The following CNTNAP2 variants were observed in gnomAD, a reference collection of about 807,000 sequenced individuals.
CNTNAP2 encodes contactin-associated protein-like 2.
CNTNAP2 carries 98 observed loss-of-function variants against 155.2 expected under a neutral mutation model. The observed-to-expected ratio is 0.63, with a 90% confidence interval of 0.54 to 0.75. CNTNAP2 has a LOEUF of 0.75. Ranked by LOEUF, CNTNAP2 falls within the 30% of genes least tolerant of loss-of-function variation. The pLI, the probability that CNTNAP2 is intolerant of heterozygous loss-of-function variation, is 0.00. For missense variants in CNTNAP2, 1,727 were observed against 1,688.1 expected (o/e 1.02, Z -0.40); for synonymous variants, 651 against 631.2 (o/e 1.03, Z -0.47).
intron 10 of CNTNAP2, among the ~76,000 whole-genome samples, chr7:147,427,388 C>T (rs879358717): frequency 9.2e-5 from 14 of 152,224 alleles, no homozygotes; most frequent in Non-Finnish European, 1.6e-4. Context: ...AATATGGGTT[C>T]TTTCAACAGA....
At chr7:148,069,713 T>C (rs1251599153) in intron 15 of CNTNAP2, among the ~76,000 whole-genome samples, 1 of 149,832 alleles carries the variant, frequency 6.7e-6, no homozygotes, top group Non-Finnish European at 1.5e-5. Context: ...TGAGCCAAGA[T>C]TGCGCCACTG....
chr7:148,105,159 T>C (rs1425840147), intron 15 of CNTNAP2, among the ~76,000 whole-genome samples: 1 of 152,122 alleles, frequency 6.6e-6, no homozygotes, highest in Non-Finnish European at 1.5e-5. Flanking sequence ...ATACAAGATA[T>C]CCTAGGAGGA....
At chr7:146,505,520 C>A (rs554206085) in intron 1 of CNTNAP2, among the ~76,000 whole-genome samples, 46 of 152,304 alleles carry the variant, frequency 3.0e-4, no homozygotes, top group African/African-American at 8.7e-4. Flanking sequence ...ATAGGCCACA[C>A]AGGAAATACA....
chr7:146,402,498 A>AT (rs200093991), intron 1 of CNTNAP2, among the ~76,000 whole-genome samples: 1 of 152,184 alleles, frequency 6.6e-6, no homozygotes, highest in East Asian at 1.9e-4. Context: ...TAGCTTAATC[A>AT]TGCTACAGAC....
At chr7:146,639,242 A>G (rs1466199209) in intron 1 of CNTNAP2, among the ~76,000 whole-genome samples, 2 of 152,294 alleles carry the variant, frequency 1.3e-5, no homozygotes, top group African/African-American at 2.4e-5. Context: ...AATTCATGCT[A>G]TTTTTACTTG....
intron 13 of CNTNAP2, among the ~76,000 whole-genome samples, chr7:147,658,236 G>A (rs1438068135): frequency 1.0e-5 from 1 of 100,420 alleles, no homozygotes; most frequent in East Asian, 2.4e-4. Flanking sequence ...CAGCCTGGGA[G>A]ACAGAGCGAG....
intron 6 of CNTNAP2, among the ~76,000 whole-genome samples, chr7:147,124,937 G>A (rs766842832): frequency 7.4e-6 from 1 of 134,920 alleles, no homozygotes; most frequent in Non-Finnish European, 1.5e-5. Context: ...CTGGAGTGCA[G>A]TGGCGCGATT....
At chr7:146,946,059 C>CCCTT in intron 3 of CNTNAP2, among the ~76,000 whole-genome samples, 1 of 144,166 alleles carries the variant, frequency 6.9e-6, no homozygotes, top group East Asian at 1.9e-4. Flanking sequence ...GAAAAGGAGA[C>CCCTT]CCTTCCTTCC....
At chr7:147,822,097 T>G (rs576412490) in intron 13 of CNTNAP2, among the ~76,000 whole-genome samples, 2 of 152,124 alleles carry the variant, frequency 1.3e-5, no homozygotes, top group Non-Finnish European at 2.9e-5. Context: ...CATGGAAGTC[T>G]TCTATGGTCT....
At chr7:147,937,298 A>C (rs1800628977) in intron 14 of CNTNAP2, among the ~76,000 whole-genome samples, 1 of 152,168 alleles carries the variant, frequency 6.6e-6, no homozygotes, top group African/African-American at 2.4e-5. Flanking sequence ...TTTCTCACAA[A>C]GATCTTTAAA....
intron 1 of CNTNAP2, among the ~76,000 whole-genome samples, chr7:146,693,430 T>G (rs1800731029): frequency 1.3e-5 from 2 of 152,068 alleles, no homozygotes; most frequent in South Asian, 4.1e-4. Flanking sequence ...TATATGTGTT[T>G]TGAGGTTTTT....
At chr7:146,210,733 C>T (rs1239908256) in intron 1 of CNTNAP2, among the ~76,000 whole-genome samples, 2 of 152,092 alleles carry the variant, frequency 1.3e-5, no homozygotes, top group Admixed American at 1.3e-4. Flanking sequence ...GCAAGACTGA[C>T]GGAATTCTAA....
intron 8 of CNTNAP2, among the ~76,000 whole-genome samples, chr7:147,210,815 T>C (rs1803130796): frequency 6.6e-6 from 1 of 152,026 alleles, no homozygotes; most frequent in Admixed American, 6.6e-5. Context: ...ATTTCTGCCT[T>C]AATTTTCCTG....
chr7:146,700,409 T>TAAA (rs535928663), intron 1 of CNTNAP2, among the ~76,000 whole-genome samples: 2 of 152,108 alleles, frequency 1.3e-5, no homozygotes, highest in Non-Finnish European at 2.9e-5. Context: ...CTAAACTCTT[T>TAAA]AAAAGTCAGA....
chr7:148,154,562 G>T (rs1805364610), intron 17 of CNTNAP2, among the ~76,000 whole-genome samples: 1 of 152,168 alleles, frequency 6.6e-6, no homozygotes, highest in African/African-American at 2.4e-5. Context: ...GAGAAAAATA[G>T]AATTCTAATA....
At chr7:146,454,572 A>G (rs6942555) in intron 1 of CNTNAP2, among the ~76,000 whole-genome samples, 2,508 of 151,966 alleles carry the variant, frequency 0.017, 64 homozygotes, top group African/African-American at 0.056. Flanking sequence ...GTGTATAAAT[A>G]AATAATACTT....
In CNTNAP2 at chr7:148,194,873, G is replaced by A. The variant is rs189024040; in HGVS notation, c.3010+22395G>A. On this transcript the variant is annotated intron_variant, in intron 18 of 23. Transcript: ENST00000361727. ...TCTACTATACTCAGCCTACTGGATT[G>A]AATACTAATTTATGGCAACACCCTC... Among the ~76,000 whole-genome samples, 510 of 152,230 alleles carry A rather than the reference G, an allele frequency of 3.4e-3. 1 individual carries two copies. The highest frequency in any genetic ancestry group is 6.2e-3 in the Non-Finnish European group (419 of 68,006).
At chr7:146,633,411 C>T (rs2129159272) in intron 1 of CNTNAP2, among the ~76,000 whole-genome samples, 1 of 152,172 alleles carries the variant, frequency 6.6e-6, no homozygotes, top group East Asian at 1.9e-4. Context: ...CATAAATTAA[C>T]CTACAGTAAA....
chr7:147,483,355 T>C (rs1481467540), intron 10 of CNTNAP2, among the ~76,000 whole-genome samples: 1 of 152,180 alleles, frequency 6.6e-6, no homozygotes, highest in African/African-American at 2.4e-5. Context: ...TTTGGGTATC[T>C]ATGGGGTGGG....
Sources: gnomAD v4.1 joint callset for allele counts (sites outside exome capture counted in the v4.1 genomes callset) on GRCh38, gnomAD v4.1.1 for gene constraint, MANE v1.5 for transcripts, NCBI Gene and HGNC (gene_info 2026-07-23, HGNC 2026-07-21) for gene names.